ACYP2: variants seen among roughly 807,000 people sequenced by gnomAD.
The protein encoded by ACYP2 is acylphosphatase-2.
A neutral mutation model predicts 11.2 loss-of-function variants in ACYP2; 12 were observed. The observed-to-expected ratio is 1.08, with a 90% CI of 0.69 to 1.74. The LOEUF is 1.74. ACYP2 is among the 40% of genes most tolerant of loss of function. ACYP2 has a pLI of 0.00. For synonymous variants in ACYP2, 43 were observed against 32.2 expected, an observed-to-expected ratio of 1.33 and a Z score of -1.13; for missense variants, 134 against 101.9, an observed-to-expected ratio of 1.31 and a Z score of -1.35.
At chr2:54,273,330 T>C (rs898658496) in intron 6 of ACYP2, among the ~76,000 whole-genome samples, 1 of 152,236 alleles carries the variant, frequency 6.6e-6, no homozygotes, top group East Asian at 1.9e-4. Flanking sequence ...AGTACATTAA[T>C]TGAGTGTTCT....
chr2:54,261,343 T>A (rs1277134683), intron 6 of ACYP2, among the ~76,000 whole-genome samples: 1 of 152,138 alleles, frequency 6.6e-6, no homozygotes, highest in East Asian at 1.9e-4. Flanking sequence ...ATAAAATCTC[T>A]GAAATGTTTT....
intron 6 of ACYP2, among the ~76,000 whole-genome samples, chr2:54,214,179 A>G (rs1685456261): frequency 6.6e-6 from 1 of 152,186 alleles, no homozygotes. Flanking sequence ...ATTTTCTTCC[A>G]TTCCATAGGT....
chr2:54,171,398 T>C (rs1208579491), intron 6 of ACYP2, among the ~76,000 whole-genome samples: 1 of 152,206 alleles, frequency 6.6e-6, no homozygotes, highest in Non-Finnish European at 1.5e-5. Flanking sequence ...TAGTTCCTGA[T>C]GGCCAAATGC....
intron 6 of ACYP2, among the ~76,000 whole-genome samples, chr2:54,276,619 TCACACACACACACACACACACACACA>T (rs3071186): frequency 6.8e-6 from 1 of 146,108 alleles, no homozygotes; most frequent in East Asian, 2.0e-4. Flanking sequence ...GATTGTTCTT[TCACACACACACACACACACACACACA>T]CACACACACA....
At chr2:54,264,332 C>A (rs1051770210) in intron 6 of ACYP2, among the ~76,000 whole-genome samples, 1 of 152,102 alleles carries the variant, frequency 6.6e-6, no homozygotes, top group Admixed American at 6.5e-5. Flanking sequence ...AGCAGGTTGC[C>A]GCTGCTGGCT....
intron 6 of ACYP2, among the ~76,000 whole-genome samples, chr2:54,259,005 T>A (rs1429136547): frequency 6.6e-6 from 1 of 152,208 alleles, no homozygotes; most frequent in East Asian, 1.9e-4. Flanking sequence ...CATGAGAAGT[T>A]ATCCAGCCTT....
chr2:54,103,535 T>A (rs1162617489), intron 4 of ACYP2, among the ~76,000 whole-genome samples: 3 of 152,202 alleles, frequency 2.0e-5, no homozygotes, highest in East Asian at 3.8e-4. Context: ...TACACATAGA[T>A]CCATGCAATG....
intron 2 of ACYP2, among the ~76,000 whole-genome samples, chr2:54,033,381 GT>G (rs564816845): frequency 2.8e-4 from 40 of 142,730 alleles, no homozygotes; most frequent in South Asian, 1.3e-3. Context: ...TGTGTGTTTT[GT>G]TTTTTTTTTT....
chr2:53,980,153 G>T (rs1315307166), intron 2 of ACYP2, among the ~76,000 whole-genome samples: 4 of 152,076 alleles, frequency 2.6e-5, no homozygotes, highest in African/African-American at 9.7e-5. Context: ...GACCAGCTAT[G>T]TTACCAAGAG....
intron 6 of ACYP2, among the ~76,000 whole-genome samples, chr2:54,229,045 T>A (rs1686123567): frequency 6.6e-6 from 1 of 152,146 alleles, no homozygotes; most frequent in African/African-American, 2.4e-5. Flanking sequence ...AAGTCAGGGT[T>A]AATGTAATAG....
chr2:54,004,894 C>CAAAAAAAA (rs754230632), intron 2 of ACYP2, among the ~76,000 whole-genome samples: 2 of 31,926 alleles, frequency 6.3e-5, no homozygotes, highest in Non-Finnish European at 1.3e-4. Context: ...GACTCTGTCT[C>CAAAAAAAA]AAAAAAAAAA....
intron 2 of ACYP2, among the ~76,000 whole-genome samples, chr2:54,049,715 A>G (rs538797237): frequency 6.6e-6 from 1 of 152,308 alleles, no homozygotes; most frequent in African/African-American, 2.4e-5. Context: ...TTTTTTTTAA[A>G]AAAGAGTATC....
intron 6 of ACYP2, among the ~76,000 whole-genome samples, chr2:54,242,655 G>C (rs148700461): frequency 6.6e-6 from 1 of 152,278 alleles, no homozygotes; most frequent in African/African-American, 2.4e-5. Context: ...ATGTCATTGT[G>C]TTACAGTTGC....
intron 6 of ACYP2, among the ~76,000 whole-genome samples, chr2:54,208,863 T>TTG (rs368376907): frequency 1.3e-5 from 2 of 151,864 alleles, no homozygotes; most frequent in South Asian, 2.1e-4. Context: ...AATTGTGTGA[T>TTG]TGTGTGTGTG....
chr2:54,039,077 G>T (rs934710552), intron 2 of ACYP2, among the ~76,000 whole-genome samples: 1 of 152,008 alleles, frequency 6.6e-6, no homozygotes, highest in Non-Finnish European at 1.5e-5. Flanking sequence ...AGCAAAGGGT[G>T]GGGAGCGTGC....
intron 6 of ACYP2, among the ~76,000 whole-genome samples, chr2:54,173,088 T>C (rs917234931): frequency 6.6e-6 from 1 of 152,240 alleles, no homozygotes; most frequent in Non-Finnish European, 1.5e-5. Flanking sequence ...TGTCAAATGG[T>C]ATTTCTACTT....
chr2:54,179,834 G>A (rs1390041290), intron 6 of ACYP2, among the ~76,000 whole-genome samples: 1 of 152,116 alleles, frequency 6.6e-6, no homozygotes, highest in Non-Finnish European at 1.5e-5. Flanking sequence ...GTCGGGGAAT[G>A]CAGCCCAGTA....
chr2:54,193,532 CAAAAGAT>C (rs1404043780), intron 6 of ACYP2, among the ~76,000 whole-genome samples: 1 of 152,126 alleles, frequency 6.6e-6, no homozygotes, highest in Non-Finnish European at 1.5e-5. Context: ...GACAAGTACT[CAAAAGAT>C]AAAATAAAAA....
chr2:54,305,297 A>T lies in ACYP2; in HGVS notation c.*495A>T, dbSNP rs1689877197. On this transcript the variant is annotated 3_prime_UTR_variant, in exon 7 of 7. Transcript: ENST00000607452. ...TAAAATATTATCAACAAAGAGTTTTAAAATTCTGGTTAATGTGAACATTAT... is the reference window on the plus strand; with the variant it reads ...TAAAATATTATCAACAAAGAGTTTTTAAATTCTGGTTAATGTGAACATTAT... The T allele has an allele frequency of 6.6e-6, 1 of 152,438 alleles. No homozygotes were observed. The highest frequency in any genetic ancestry group is 1.5e-5 in the Non-Finnish European group (1 of 68,210). The allele number at this position is 152,438 out of a possible 1,614,324, so 9.4% of individuals were successfully genotyped here.
Sources: gnomAD v4.1 joint callset for allele counts (sites outside exome capture counted in the v4.1 genomes callset) on GRCh38, gnomAD v4.1.1 for gene constraint, MANE v1.5 for transcripts, NCBI Gene and HGNC (gene_info 2026-07-23, HGNC 2026-07-21) for gene names.